The following TENM1 variants were observed in gnomAD, a reference collection of about 807,000 sequenced individuals.
TENM1 encodes teneurin transmembrane protein 1, also known as teneurin-1.
In TENM1, 35 loss-of-function variants were observed where a neutral mutation model predicts 174.8. The ratio of observed to expected loss-of-function variants is 0.20; its 90% CI spans 0.15 to 0.27. The LOEUF is 0.27. TENM1 is among the 10% of genes least tolerant of loss of function. The probability of loss-of-function intolerance (pLI) is 1.00; values close to 1 mark genes in which losing one functional copy is unlikely to be tolerated. For synonymous variants in TENM1, 781 were observed against 798.7 expected (o/e 0.98, Z 0.37); for missense variants, 1,633 against 2,130.1 (o/e 0.77, Z 4.59).
exon 5 of TENM1, chrX:124,705,083 G>A (rs1296676475): frequency 8.3e-7 from 1 of 1,209,575 alleles, no homozygotes; most frequent in African/African-American, 1.8e-5. Context: ...TGCACTTCCA[G>A]TTGCAGCACC....
At chrX:124,415,061 A>G (rs1304073362) in intron 25 of TENM1, among the ~76,000 whole-genome samples, 1 of 112,214 alleles carries the variant, frequency 8.9e-6, no homozygotes, top group Non-Finnish European at 1.9e-5. Context: ...GACCCTGACT[A>G]GAAGAGTAGG....
intron 23 of TENM1, among the ~76,000 whole-genome samples, chrX:124,443,235 T>A (rs774644897): frequency 1.8e-5 from 2 of 110,824 alleles, no homozygotes; most frequent in Admixed American, 1.9e-4. Flanking sequence ...TGCAAAAAAA[T>A]CTAAGGACAA....
At chrX:124,626,112 A>G (rs1169819651) in intron 11 of TENM1, among the ~76,000 whole-genome samples, 2 of 111,307 alleles carry the variant, frequency 1.8e-5, no homozygotes, top group Non-Finnish European at 3.8e-5. Context: ...ATACACCCCT[A>G]GGAGTAGGGG....
the TENM1 span, among the ~76,000 whole-genome samples, chrX:125,083,351 C>T: frequency 9.1e-6 from 1 of 110,476 alleles, no homozygotes. Flanking sequence ...CCTTCTAGTC[C>T]AGTTTATATT....
chrX:124,923,803 A>G (rs1410313021), intron 1 of TENM1, among the ~76,000 whole-genome samples: 1 of 111,966 alleles, frequency 8.9e-6, no homozygotes, highest in Non-Finnish European at 1.9e-5. Flanking sequence ...CATGAGCCAA[A>G]GAATATGAGC....
At chrX:124,962,541 C>T (rs2058669297) in intron 1 of TENM1, among the ~76,000 whole-genome samples, 1 of 112,055 alleles carries the variant, frequency 8.9e-6, no homozygotes, top group Non-Finnish European at 1.9e-5. Context: ...TTGTGCCATC[C>T]GGGCGCGGTG....
the TENM1 span, among the ~76,000 whole-genome samples, chrX:125,072,501 T>A: frequency 1.8e-5 from 2 of 111,610 alleles, no homozygotes; most frequent in East Asian, 5.6e-4. Flanking sequence ...TCACTTCATT[T>A]TTTAAAAAAC....
At chrX:124,732,250 G>A (rs1307682660) in intron 4 of TENM1, among the ~76,000 whole-genome samples, 3 of 112,042 alleles carry the variant, frequency 2.7e-5, no homozygotes, top group Non-Finnish European at 5.6e-5. Flanking sequence ...TTTAGTTTCC[G>A]GTGTTCTCAA....
intron 28 of TENM1, 42 bp downstream of exon 31, chrX:124,392,010 A>G: frequency 9.0e-7 from 1 of 1,116,096 alleles, no homozygotes; most frequent in Non-Finnish European, 1.2e-6. Flanking sequence ...CGATAGTCTC[A>G]TTCAGAAACT....
At chrX:124,749,080 C>T (rs1486155549) in intron 3 of TENM1, among the ~76,000 whole-genome samples, 1 of 110,800 alleles carries the variant, frequency 9.0e-6, no homozygotes, top group East Asian at 2.8e-4. Context: ...GATTTTTTTT[C>T]ACAATTTTCA....
chrX:124,974,537 A>G, the TENM1 span, among the ~76,000 whole-genome samples: 1 of 111,186 alleles, frequency 9.0e-6, no homozygotes, highest in Admixed American at 9.7e-5. Context: ...AAAGAGAAAC[A>G]TGGAAGTTGC....
At chrX:124,794,344 C>T (rs2055253640) in intron 3 of TENM1, among the ~76,000 whole-genome samples, 1 of 111,578 alleles carries the variant, frequency 9.0e-6, no homozygotes, top group Non-Finnish European at 1.9e-5. Flanking sequence ...ATACCTAAAA[C>T]ATAATTCTTG....
intron 15 of TENM1, among the ~76,000 whole-genome samples, chrX:124,536,835 T>C (rs966257909): frequency 8.9e-6 from 1 of 112,122 alleles, no homozygotes; most frequent in South Asian, 3.7e-4. Flanking sequence ...GTTTGTTTTT[T>C]GCTTGTTCTA....
At chrX:124,851,228 T>C (rs894165588) in intron 3 of TENM1, among the ~76,000 whole-genome samples, 2 of 111,660 alleles carry the variant, frequency 1.8e-5, no homozygotes, top group African/African-American at 6.5e-5. Flanking sequence ...GAGGAAAATC[T>C]TGACCTTTAT....
chrX:124,878,682 G>A, intron 3 of TENM1, among the ~76,000 whole-genome samples: 1 of 111,567 alleles, frequency 9.0e-6, no homozygotes, highest in Non-Finnish European at 1.9e-5. Context: ...AGAACCATAT[G>A]TCAAATAAAC....
At chrX:124,484,309 C>T (rs763753069) in intron 21 of TENM1, among the ~76,000 whole-genome samples, 8 of 111,503 alleles carry the variant, frequency 7.2e-5, no homozygotes, top group South Asian at 3.9e-4. Flanking sequence ...AAATAGTGTT[C>T]GTCAGATTTC....
chrX:124,435,343 C>A (rs1055740059), intron 23 of TENM1, among the ~76,000 whole-genome samples: 1 of 111,927 alleles, frequency 8.9e-6, no homozygotes, highest in Non-Finnish European at 1.9e-5. Flanking sequence ...CCTTTGGCAC[C>A]TAAAGCAATT....
At chrX:125,109,198 C>T in the TENM1 span, among the ~76,000 whole-genome samples, 1 of 111,402 alleles carries the variant, frequency 9.0e-6, no homozygotes, top group Non-Finnish European at 1.9e-5. Context: ...CACACACAGA[C>T]GTATGCATGC....
upstream of TENM1, among the ~76,000 whole-genome samples, chrX:124,963,973 ACT>A (rs112916344): frequency 0.013 from 1,443 of 111,678 alleles, 26 homozygotes; most frequent in African/African-American, 0.045. Flanking sequence ...CAATAATAAC[ACT>A]CTGTGTTACA....
Sources: allele counts gnomAD v4.1 joint callset (sites outside exome capture counted in the v4.1 genomes callset), GRCh38; gene constraint gnomAD v4.1.1; transcripts MANE v1.5; gene names NCBI Gene and HGNC (gene_info 2026-07-23, HGNC 2026-07-21).